Variants in WWOX observed in about 807,000 individuals in gnomAD.
WWOX encodes WW domain containing oxidoreductase.
In WWOX, 69 loss-of-function variants were observed where a neutral mutation model predicts 46.2. That is an observed-to-expected ratio of 1.49 (90% CI 1.23 to 1.82). The LOEUF is 1.82. Ranked by LOEUF, WWOX falls within the 40% of genes most tolerant of loss-of-function variation. The pLI is 0.00. For synonymous variants in WWOX, 359 were observed against 202.6 expected (o/e 1.77, Z -6.56); for missense variants, 919 against 542.6 (o/e 1.69, Z -6.89).
chr16:79,170,015 AT>A (rs763208814), intron 8 of WWOX, among the ~76,000 whole-genome samples: 32 of 152,088 alleles, frequency 2.1e-4, no homozygotes, highest in Non-Finnish European at 4.0e-4. Flanking sequence ...GGACACCTTC[AT>A]TACCCCTCCT....
At chr16:78,681,444 C>G (rs1384547630) in intron 8 of WWOX, among the ~76,000 whole-genome samples, 1 of 151,388 alleles carries the variant, frequency 6.6e-6, no homozygotes, top group Admixed American at 6.6e-5. Flanking sequence ...CCACATTCAT[C>G]TATAAAACAA....
intron 8 of WWOX, among the ~76,000 whole-genome samples, chr16:79,178,724 A>G (rs1160382282): frequency 6.6e-6 from 1 of 152,212 alleles, no homozygotes; most frequent in African/African-American, 2.4e-5. Flanking sequence ...GTGCCTACCT[A>G]ATGCTCTTCC....
chr16:78,977,236 C>T (rs1473842501), intron 8 of WWOX, among the ~76,000 whole-genome samples: 1 of 152,224 alleles, frequency 6.6e-6, no homozygotes, highest in Non-Finnish European at 1.5e-5. Flanking sequence ...CCTGAGAGCT[C>T]TTCAAAGGCT....
chr16:78,618,113 G>A (rs769100876), intron 8 of WWOX, among the ~76,000 whole-genome samples: 16 of 152,196 alleles, frequency 1.1e-4, no homozygotes, highest in Admixed American at 3.3e-4. Flanking sequence ...TTGCCTCTGA[G>A]AGACGCAAGG....
At position 78,107,219 on chromosome 16, in the gene WWOX, G is replaced by C. The variant is rs367917502; in HGVS notation, c.108-1204G>C. ...GCCTACCCTTCGAATACCTCTTGTAGCACCTGGCTGTTTCCCTTTTGAAAT... is the reference window on the plus strand; with the variant it reads ...GCCTACCCTTCGAATACCTCTTGTACCACCTGGCTGTTTCCCTTTTGAAAT... On this transcript the variant is annotated intron_variant, in intron 1 of 8. Coordinates refer to ENST00000566780, the MANE Select transcript of WWOX (RefSeq NM_016373.4). Among the ~76,000 whole-genome samples, 27 of 152,294 alleles carry C rather than the reference G, an allele frequency of 1.8e-4. No individual in the cohort carries two copies. The South Asian group carries it at 5.0e-3, about 28-fold the overall frequency.
At chr16:78,160,770 A>G (rs1204509441) in intron 4 of WWOX, among the ~76,000 whole-genome samples, 5 of 152,132 alleles carry the variant, frequency 3.3e-5, no homozygotes, top group Non-Finnish European at 7.4e-5. Context: ...TGTTGCTTTC[A>G]GTGTTTATCA....
intron 6 of WWOX, among the ~76,000 whole-genome samples, chr16:78,401,472 C>T (rs998474499): frequency 2.6e-5 from 4 of 152,064 alleles, no homozygotes; most frequent in African/African-American, 9.7e-5. Context: ...AAAAGAGTAA[C>T]CTATTTTGAT....
At chr16:78,560,918 C>G (rs1186727000) in intron 8 of WWOX, among the ~76,000 whole-genome samples, 1 of 152,106 alleles carries the variant, frequency 6.6e-6, no homozygotes. Context: ...AGTTCACATT[C>G]ACATCTTGTT....
At chr16:78,856,582 G>A (rs777604104) in intron 8 of WWOX, among the ~76,000 whole-genome samples, 7 of 152,134 alleles carry the variant, frequency 4.6e-5, no homozygotes, top group Non-Finnish European at 8.8e-5. Flanking sequence ...GGCAGAGATT[G>A]CAGTGAGCCC....
chr16:78,702,217 C>T (rs187766117), intron 8 of WWOX, among the ~76,000 whole-genome samples: 361 of 147,936 alleles, frequency 2.4e-3, no homozygotes, highest in Admixed American at 6.9e-3. Flanking sequence ...GAGCTCGAGG[C>T]GGCAGTGAGC....
intron 8 of WWOX, among the ~76,000 whole-genome samples, chr16:78,444,347 A>G (rs1428229551): frequency 1.3e-5 from 2 of 152,124 alleles, no homozygotes; most frequent in Non-Finnish European, 2.9e-5. Flanking sequence ...AAGAATAGCC[A>G]TCCCTTGGGT....
At chr16:79,086,396 G>A (rs1282167296) in intron 8 of WWOX, among the ~76,000 whole-genome samples, 1 of 152,124 alleles carries the variant, frequency 6.6e-6, no homozygotes, top group Non-Finnish European at 1.5e-5. Flanking sequence ...CGTGTCTTCT[G>A]GTATGTTTCT....
At chr16:78,182,490 T>A (rs2035561249) in intron 5 of WWOX, among the ~76,000 whole-genome samples, 1 of 152,044 alleles carries the variant, frequency 6.6e-6, no homozygotes, top group Non-Finnish European at 1.5e-5. Flanking sequence ...CATCTGCCTC[T>A]GTATCCTGTG....
chr16:78,576,922 T>G (rs1241366900), intron 8 of WWOX, among the ~76,000 whole-genome samples: 1 of 152,220 alleles, frequency 6.6e-6, no homozygotes, highest in Non-Finnish European at 1.5e-5. Flanking sequence ...TACCATCTGC[T>G]CACTTTTATA....
intron 5 of WWOX, among the ~76,000 whole-genome samples, chr16:78,282,344 G>C (rs150998383): frequency 1.6e-3 from 249 of 152,278 alleles, no homozygotes; most frequent in African/African-American, 5.8e-3. Context: ...ACATCAGGAG[G>C]GGATCTTTTC....
intron 8 of WWOX, among the ~76,000 whole-genome samples, chr16:78,952,456 C>T (rs1184026127): frequency 6.6e-6 from 1 of 150,986 alleles, no homozygotes; most frequent in African/African-American, 2.4e-5. Context: ...GATCTTAGCT[C>T]ACTGCAACCT....
intron 8 of WWOX, among the ~76,000 whole-genome samples, chr16:78,894,649 C>G (rs376459697): frequency 6.6e-6 from 1 of 152,124 alleles, no homozygotes; most frequent in Non-Finnish European, 1.5e-5. Flanking sequence ...TATACCTACC[C>G]AGCCTGCTTG....
Position 78,255,789 on chromosome 16 carries a change from G to C in WWOX, c.516+91500G>C, listed in dbSNP as rs147699373. Among the ~76,000 whole-genome samples, 469 of 152,204 alleles carry C rather than the reference G, an allele frequency of 3.1e-3. 1 individual carries two copies. Among genetic ancestry groups the C allele is most frequent in the African/African-American group, 0.011 (449 of 41,532 alleles). On this transcript the variant is annotated intron_variant, in intron 5 of 8. Transcript: ENST00000566780. ...CTTATAAATCCATGTACTCCTCCCA[G>C]TAGCTTTATGAGGTCTTATTATTCT...
At chr16:79,014,466 T>C (rs1597278519) in intron 8 of WWOX, among the ~76,000 whole-genome samples, 1 of 152,288 alleles carries the variant, frequency 6.6e-6, no homozygotes, top group East Asian at 1.9e-4. Context: ...GTATGAAAAA[T>C]GTAAATGTTG....
Sources: gnomAD v4.1 joint callset for allele counts (sites outside exome capture counted in the v4.1 genomes callset) on GRCh38, gnomAD v4.1.1 for gene constraint, MANE v1.5 for transcripts, NCBI Gene and HGNC (gene_info 2026-07-23, HGNC 2026-07-21) for gene names.